Variants in VIRMA observed in about 807,000 individuals in gnomAD.
VIRMA encodes the protein vir like m6A methyltransferase associated, also known as protein virilizer homolog.
Under a neutral mutation model 182.4 loss-of-function variants are expected in VIRMA, and 65 were observed. The observed-to-expected ratio is 0.36, with a 90% CI of 0.29 to 0.44. The LOEUF is 0.44. Among genes scored for constraint, VIRMA ranks in the 20% least tolerant of loss-of-function variants. The pLI is 1.00. For missense variants in VIRMA, 1,752 were observed against 2,158.1 expected, an observed-to-expected ratio of 0.81 and a Z score of 3.73; for synonymous variants, 709 against 743.1, an observed-to-expected ratio of 0.95 and a Z score of 0.75.
chr8:94,512,560 T>C (rs1814415644), intron 11 of VIRMA: 1 of 152,306 alleles, frequency 6.6e-6, no homozygotes, highest in Non-Finnish European at 1.5e-5. Context: ...AAGGATTGCT[T>C]GAGCCCAGGA....
chr8:94,528,866 A>C (rs1331508145), intron 7 of VIRMA, among the ~76,000 whole-genome samples: 2 of 152,360 alleles, frequency 1.3e-5, no homozygotes, highest in South Asian at 2.1e-4. Context: ...CTGGCTGGTT[A>C]AACAGGGGAG....
intron 6 of VIRMA, among the ~76,000 whole-genome samples, 176 bp from the exon 7 acceptor site, chr8:94,529,518 A>T (rs1815086250): frequency 1.3e-5 from 2 of 152,220 alleles, no homozygotes; most frequent in South Asian, 4.1e-4. Flanking sequence ...CAACTTCTAC[A>T]GTGAGCAATA....
At chr8:94,535,957 C>T (rs1313898561) in intron 4 of VIRMA, among the ~76,000 whole-genome samples, 1 of 152,108 alleles carries the variant, frequency 6.6e-6, no homozygotes, top group Non-Finnish European at 1.5e-5. Flanking sequence ...GCTACATCTT[C>T]ACAATTATGA....
intron 3 of VIRMA, 88 bp downstream of exon 3, chr8:94,538,172 C>T (rs926425977): frequency 1.5e-5 from 13 of 873,688 alleles, no homozygotes; most frequent in African/African-American, 3.3e-5. Flanking sequence ...CCAGCAGATA[C>T]ATCCTTTTCT....
rs528934459 is a variant in VIRMA at position 94,531,032 on chromosome 8, T to G, written c.538A>C (p.Arg180=). 6.2e-7 allele frequency: 1 copy of G among 1,601,678 alleles called. No homozygotes were observed. Among genetic ancestry groups the G allele is most frequent in the African/African-American group, 1.3e-5 (1 of 74,128 alleles). ...FNGSPPRPQP[R]GPRTPPGPPP... ...GGTCCTGGAGGAGTTCTTGGTCCCCTTGGCTGTGGTCTTGGAGGGCTTCCA... is the reference window on the plus strand; with the variant it reads ...GGTCCTGGAGGAGTTCTTGGTCCCCGTGGCTGTGGTCTTGGAGGGCTTCCA... Residue 180 remains arginine (R), a synonymous_variant, in exon 6 of 24, where the codon AGG becomes CGG. Transcript: ENST00000297591.
In VIRMA at chr8:94,518,947, A is replaced by G; in HGVS notation, c.2513+38T>C. ...AGACCATTAGTTAATCTGATTTTCT[A>G]ACATCATAGAAAATTTAAGGAGTAA... On this transcript the variant is annotated intron_variant, in intron 9 of 23. Transcript: ENST00000297591. 4 of 1,521,378 alleles carry G rather than the reference A, an allele frequency of 2.6e-6. No individual in the cohort carries two copies. In the Admixed American group the frequency reaches 6.4e-5, roughly 24 times the overall value. 94.2% of individuals were successfully genotyped at this position (1,521,378 alleles called of 1,614,324 possible). A position where few individuals can be genotyped will look rare whatever the true frequency, so the allele number is the denominator to read the frequency against.
intron 17 of VIRMA, chr8:94,497,032 A>G (rs1257102879): frequency 6.6e-6 from 1 of 152,290 alleles, no homozygotes; most frequent in Admixed American, 6.5e-5. Flanking sequence ...AAAACCATCC[A>G]TATTGTCACA....
intron 5 of VIRMA, 66 bp downstream of exon 5, chr8:94,534,771 CGA>C: frequency 6.6e-7 from 1 of 1,519,024 alleles, no homozygotes. Flanking sequence ...GAGTGCTCTT[CGA>C]ATTATTTTTT....
chr8:94,495,773 A>G lies in VIRMA; in HGVS notation c.4502T>C (p.Val1501Ala), dbSNP rs770130410. 2 of 1,613,990 alleles carry G rather than the reference A, an allele frequency of 1.2e-6. No individual in the cohort carries two copies. Among genetic ancestry groups the G allele is most frequent in the Admixed American group, 3.3e-5 (2 of 60,004 alleles). The part of the protein sequence containing the change: ...LPLSDQDVEP[V>A]LSAPESLQNL... ...CTGAAGAGATTCTGGAGCTGAAAGT[A>G]CTGGTTCTACATCCTGGTCACTGAG... Residue 1501 changes from valine (V) to alanine (A), a missense_variant, in exon 19 of 24, where the codon GTA becomes GCA. Coordinates refer to ENST00000297591, the MANE Select transcript of VIRMA (RefSeq NM_015496.5).
intron 1 of VIRMA, among the ~76,000 whole-genome samples, chr8:94,553,152 G>A (rs1360426500): frequency 1.3e-5 from 2 of 152,024 alleles, no homozygotes; most frequent in African/African-American, 4.8e-5. Context: ...CATGCAAGCA[G>A]AAAAGCCAAC....
intron 8 of VIRMA, among the ~76,000 whole-genome samples, chr8:94,520,237 G>C (rs1296039421): frequency 6.8e-6 from 1 of 147,498 alleles, no homozygotes; most frequent in South Asian, 2.1e-4. Flanking sequence ...GCTCACACCT[G>C]TAATCCCAGC....
chr8:94,518,630 G>C (rs552765479), intron 9 of VIRMA, among the ~76,000 whole-genome samples: 5 of 152,322 alleles, frequency 3.3e-5, no homozygotes, highest in East Asian at 1.9e-4. Flanking sequence ...TAGAATGCAA[G>C]GGCAGGAGCC....
chr8:94,506,072 T>G (rs919670965), intron 16 of VIRMA, among the ~76,000 whole-genome samples: 3 of 152,226 alleles, frequency 2.0e-5, no homozygotes, highest in Non-Finnish European at 4.4e-5. Context: ...TATAATGGAC[T>G]TGAGCATCTG....
At chr8:94,507,193 T>C (rs1814183323) in intron 15 of VIRMA, among the ~76,000 whole-genome samples, 1 of 151,018 alleles carries the variant, frequency 6.6e-6, no homozygotes, top group African/African-American at 2.4e-5. Context: ...TGGAGTACAA[T>C]GGCATGATCT....
intron 10 of VIRMA, among the ~76,000 whole-genome samples, chr8:94,517,357 C>T (rs756673544): frequency 3.3e-5 from 5 of 152,206 alleles, no homozygotes; most frequent in Non-Finnish European, 7.3e-5. Context: ...CGTGTGCCAG[C>T]ACGCCCAGCT....
chr8:94,507,771 A>C (rs1285450075), intron 15 of VIRMA, among the ~76,000 whole-genome samples: 17 of 151,540 alleles, frequency 1.1e-4, no homozygotes, highest in Admixed American at 9.2e-4. Flanking sequence ...AACAAACAAA[A>C]AAACAAAAAG....
intron 16 of VIRMA, among the ~76,000 whole-genome samples, chr8:94,501,587 T>C (rs760081844): frequency 1.6e-4 from 25 of 152,278 alleles, no homozygotes; most frequent in Middle Eastern, 3.4e-3. Flanking sequence ...GAGAGCTGAA[T>C]TTCTCACTGT....
In VIRMA at chr8:94,488,634, G is replaced by T; in HGVS notation, c.*72C>A. 7.0e-7 allele frequency: 1 copy of T among 1,438,192 alleles called. No individual in the cohort carries two copies. Among genetic ancestry groups the T allele is most frequent in the Non-Finnish European group, 9.6e-7 (1 of 1,045,124 alleles). The allele number at this position is 1,438,192 out of a possible 1,614,324, so 89.1% of individuals were successfully genotyped here. ...CCAGATAACTGCTAAGTCTAAATTG[G>T]TCCTTCAATGTCTTATTTTTATTGT... is the stretch of plus-strand genomic sequence containing the variant. On this transcript the variant is annotated 3_prime_UTR_variant, in exon 24 of 24. Coordinates refer to ENST00000297591, the MANE Select transcript of VIRMA (RefSeq NM_015496.5).
chr8:94,553,420 A>G lies in VIRMA; in HGVS notation c.28T>C (p.Leu10=), dbSNP rs746199802. The part of the protein sequence containing the change: MAVDSAMEL[L]FLDTFKHPSA... The stretch of plus-strand genomic sequence containing the variant: ...GGGTGTTTAAAAGTATCTAAAAATA[A>G]CAGCTCCATCGCCGAGTCCACCGCC... The change falls in exon 1 of 24, where the codon TTA becomes CTA. Residue 10 remains leucine (L), a synonymous_variant. Transcript: ENST00000297591. 2 of 1,614,232 alleles carry G rather than the reference A, an allele frequency of 1.2e-6. No individual in the cohort carries two copies. The highest frequency in any genetic ancestry group is 1.7e-6 in the Non-Finnish European group (2 of 1,180,040).
Sources: allele counts gnomAD v4.1 joint callset (sites outside exome capture counted in the v4.1 genomes callset), GRCh38; gene constraint gnomAD v4.1.1; transcripts MANE v1.5; gene names NCBI Gene and HGNC (gene_info 2026-07-23, HGNC 2026-07-21).